Variants in HACD1 observed in about 807,000 individuals in gnomAD.
The protein encoded by HACD1 is 3-hydroxyacyl-CoA dehydratase 1.
In HACD1, 41 loss-of-function variants were observed where a neutral mutation model predicts 32.0. The observed-to-expected ratio is 1.28, with a 90% CI of 1.00 to 1.66. HACD1 has a LOEUF of 1.66. Among genes scored for constraint, HACD1 ranks in the 40% most tolerant of loss-of-function variants. The pLI is 0.00. For missense variants in HACD1, 396 were observed against 380.1 expected (o/e 1.04, Z -0.35); for synonymous variants, 142 against 139.0 (o/e 1.02, Z -0.15).
intron 1 of HACD1, among the ~76,000 whole-genome samples, chr10:17,607,327 C>T (rs1181962835): frequency 6.6e-6 from 1 of 152,158 alleles, no homozygotes; most frequent in African/African-American, 2.4e-5. Flanking sequence ...CTGATGGATC[C>T]ATCTCATGTG....
chr10:17,607,271 A>T (rs983537074), intron 1 of HACD1, among the ~76,000 whole-genome samples: 3 of 152,026 alleles, frequency 2.0e-5, no homozygotes, highest in Non-Finnish European at 4.4e-5. Flanking sequence ...TAGACTCCCT[A>T]GTCCTGACCC....
intron 5 of HACD1, among the ~76,000 whole-genome samples, chr10:17,598,214 C>T (rs557325992): frequency 2.2e-5 from 3 of 137,674 alleles, no homozygotes; most frequent in South Asian, 2.3e-4. Flanking sequence ...GAGCCGAGAT[C>T]GTGCCACTAT....
At chr10:17,615,708 T>G (rs2131526238) in intron 1 of HACD1, 1 of 316,650 alleles carries the variant, frequency 3.2e-6, no homozygotes, top group African/African-American at 2.2e-5. Context: ...GGCTCACACC[T>G]GTAATCCCAG....
intron 1 of HACD1, among the ~76,000 whole-genome samples, chr10:17,607,816 T>C (rs1415274479): frequency 1.3e-5 from 2 of 152,212 alleles, no homozygotes; most frequent in Admixed American, 1.3e-4. Context: ...ACCTCTTGTC[T>C]GTTTTTCCTA....
chr10:17,606,789 T>C (rs1244223530), intron 1 of HACD1, among the ~76,000 whole-genome samples: 2 of 152,214 alleles, frequency 1.3e-5, no homozygotes, highest in Non-Finnish European at 2.9e-5. Context: ...GACATATTCA[T>C]GATAATAACA....
intron 6 of HACD1, among the ~76,000 whole-genome samples, chr10:17,590,712 C>T (rs1403131858): frequency 2.6e-5 from 4 of 152,110 alleles, no homozygotes; most frequent in African/African-American, 9.7e-5. Flanking sequence ...CACTCTATTG[C>T]CCCAGCTAGA....
chr10:17,589,549 C>G lies in HACD1; in HGVS notation c.*815G>C, dbSNP rs1355063814. 1 of 152,104 alleles carries G rather than the reference C, an allele frequency of 6.6e-6. No homozygotes were observed. The highest frequency in any genetic ancestry group is 2.4e-5 in the African/African-American group (1 of 41,404). 9.4% of individuals were successfully genotyped at this position (152,104 alleles called of 1,614,324 possible). A position where few individuals can be genotyped will look rare whatever the true frequency, so the allele number is the denominator to read the frequency against. On this transcript the variant is annotated 3_prime_UTR_variant, in exon 7 of 7. Transcript: ENST00000361271. ...AAACGATCCTCCTGCCTCAGTCTTC[C>G]AAAGTGCTGGGATTACAGGCATGAG... is the stretch of plus-strand genomic sequence containing the variant.
intron 4 of HACD1, among the ~76,000 whole-genome samples, chr10:17,601,921 A>G (rs1834074948): frequency 6.6e-6 from 1 of 152,064 alleles, no homozygotes; most frequent in Non-Finnish European, 1.5e-5. Flanking sequence ...GGAACAGAGA[A>G]GAGGTCAGGT....
At chr10:17,607,921 T>A (rs552142926) in intron 1 of HACD1, among the ~76,000 whole-genome samples, 3 of 152,216 alleles carry the variant, frequency 2.0e-5, no homozygotes, top group East Asian at 3.8e-4. Context: ...GGGTCCTATA[T>A]TGAACTAGTT....
At chr10:17,606,449 A>T (rs1564509736) in intron 1 of HACD1, among the ~76,000 whole-genome samples, 1 of 152,228 alleles carries the variant, frequency 6.6e-6, no homozygotes, top group Non-Finnish European at 1.5e-5. Context: ...AAAAGCTCTA[A>T]TAACTCACCC....
Position 17,617,309 on chromosome 10 carries a change from C to T in HACD1, c.31G>A (p.Gly11Ser), listed in dbSNP as rs1554818283. Residue 11 changes from glycine to serine, a missense_variant, in exon 1 of 7, where the codon GGC becomes AGC. Transcript: ENST00000361271. MGRLTEAAAA[G>S]SGSRAAGWAG... is the part of the protein sequence containing the mutation. ...CAGCCTGCAGCCCGAGAGCCGCTGCCCGCTGCCGCCGCTTCCGTCAGGCGC... is the reference window on the plus strand; with the variant it reads ...CAGCCTGCAGCCCGAGAGCCGCTGCTCGCTGCCGCCGCTTCCGTCAGGCGC... 3 of 1,441,054 alleles carry T rather than the reference C, an allele frequency of 2.1e-6. No individual in the cohort carries two copies. The highest frequency in any genetic ancestry group is 3.0e-5 in the East Asian group (1 of 32,896). 89.3% of individuals were successfully genotyped at this position (1,441,054 alleles called of 1,614,324 possible).
At chr10:17,597,847 T>C (rs1834014495) in intron 5 of HACD1, among the ~76,000 whole-genome samples, 1 of 152,178 alleles carries the variant, frequency 6.6e-6, no homozygotes, top group Non-Finnish European at 1.5e-5. Flanking sequence ...TAGTACAACC[T>C]TCTTATGACA....
chr10:17,602,015 AAG>A (rs1176314577), intron 4 of HACD1, among the ~76,000 whole-genome samples: 16 of 152,060 alleles, frequency 1.1e-4, no homozygotes, highest in African/African-American at 3.6e-4. Context: ...GGAGGCTCTA[AAG>A]GCTGTCAAGA....
At chr10:17,604,132 A>C (rs1386953117) in intron 1 of HACD1, 85 bp from the exon 2 acceptor site, 1 of 1,041,128 alleles carries the variant, frequency 9.6e-7, no homozygotes, top group Non-Finnish European at 1.4e-6. Flanking sequence ...CGTTATTCAA[A>C]ATAGTGAAAA....
chr10:17,611,801 C>A (rs1461111091), intron 1 of HACD1, among the ~76,000 whole-genome samples: 1 of 151,958 alleles, frequency 6.6e-6, no homozygotes, highest in African/African-American at 2.4e-5. Context: ...CCCGTCTCTA[C>A]TAAAAATACA....
At chr10:17,593,377 A>C (rs1415659317) in intron 6 of HACD1, among the ~76,000 whole-genome samples, 4 of 151,222 alleles carry the variant, frequency 2.6e-5, no homozygotes, top group Admixed American at 2.6e-4. Context: ...ATGCAATGGC[A>C]TCATGTCAGT....
At chr10:17,597,131 T>C (rs1423111774) in intron 5 of HACD1, among the ~76,000 whole-genome samples, 4 of 152,202 alleles carry the variant, frequency 2.6e-5, no homozygotes, top group Non-Finnish European at 4.4e-5. Flanking sequence ...ATAACTTGTT[T>C]AACATTAAGG....
chr10:17,592,330 G>A (rs1451784940), intron 6 of HACD1, among the ~76,000 whole-genome samples: 3 of 152,122 alleles, frequency 2.0e-5, no homozygotes, highest in Admixed American at 1.3e-4. Context: ...TCATCTTAAT[G>A]TAAATGAGAA....
chr10:17,591,386 A>C (rs1478357519), intron 6 of HACD1, among the ~76,000 whole-genome samples: 10 of 152,168 alleles, frequency 6.6e-5, no homozygotes. Context: ...GGTTTCTAGA[A>C]TGTGATCTAG....
Sources: gnomAD v4.1 joint callset for allele counts (sites outside exome capture counted in the v4.1 genomes callset) on GRCh38, gnomAD v4.1.1 for gene constraint, MANE v1.5 for transcripts, NCBI Gene and HGNC (gene_info 2026-07-23, HGNC 2026-07-21) for gene names.